DNAH11: variants seen among roughly 807,000 people sequenced by gnomAD.
The protein encoded by DNAH11 is dynein axonemal heavy chain 11.
In DNAH11, 442 loss-of-function variants were observed where a neutral mutation model predicts 526.0. The ratio of observed to expected loss-of-function variants is 0.84; its 90% CI spans 0.78 to 0.91. DNAH11 has a LOEUF of 0.91. Ranked by LOEUF, DNAH11 falls within the 40% of genes least tolerant of loss-of-function variation. The probability of loss-of-function intolerance (pLI) is 0.00; values close to 1 mark genes in which losing one functional copy is unlikely to be tolerated. For synonymous variants in DNAH11, 2,461 were observed against 1,935.9 expected (o/e 1.27, Z -7.12); for missense variants, 6,989 against 5,448.7 (o/e 1.28, Z -8.90).
intron 65 of DNAH11, among the ~76,000 whole-genome samples, chr7:21,822,069 C>T (rs994688957): frequency 3.3e-5 from 5 of 152,114 alleles, no homozygotes; most frequent in African/African-American, 4.8e-5. Context: ...TAGTATTTCA[C>T]TGTGTATATA....
intron 7 of DNAH11, among the ~76,000 whole-genome samples, chr7:21,570,885 A>T (rs1481803487): frequency 2.5e-5 from 1 of 39,234 alleles, no homozygotes; most frequent in Non-Finnish European, 4.8e-5. Flanking sequence ...GCTTAGTTTA[A>T]AAAAAAAAAA....
intron 65 of DNAH11, among the ~76,000 whole-genome samples, chr7:21,836,215 A>G (rs988384998): frequency 6.6e-6 from 1 of 152,166 alleles, no homozygotes; most frequent in African/African-American, 2.4e-5. Context: ...TTATGAAAAT[A>G]CCAACGACAT....
chr7:21,763,254 A>C (rs569010404), intron 54 of DNAH11, among the ~76,000 whole-genome samples: 1 of 151,530 alleles, frequency 6.6e-6, no homozygotes, highest in East Asian at 1.9e-4. Context: ...AGGCAGGAGA[A>C]TCACTTGAAC....
chr7:21,899,267 A>C, intron 79 of DNAH11, 69 bp from the exon 80 acceptor site: 1 of 1,301,624 alleles, frequency 7.7e-7, no homozygotes, highest in Admixed American at 1.7e-5. Context: ...AACCGCCCAC[A>C]ACAGAACATA....
intron 63 of DNAH11, among the ~76,000 whole-genome samples, chr7:21,810,602 C>T (rs983462241): frequency 2.0e-5 from 3 of 151,974 alleles, no homozygotes; most frequent in South Asian, 2.1e-4. Context: ...TGGTAAGAGT[C>T]GCCACACAGC....
chr7:21,543,386 C>G lies in DNAH11; in HGVS notation c.141C>G (p.Ala47=). The change falls in exon 1 of 82, where the codon GCC becomes GCG. Residue 47 remains alanine (A), a synonymous_variant. Transcript: ENST00000409508. ...EEEENEEEAA[A]RRARSFAQDA... is the part of the protein sequence containing the mutation. Reference sequence around the variant, plus strand: ...AGGAGAACGAGGAGGAGGCGGCGGCCAGGAGAGCGCGGAGTTTCGCCCAAG... The same window carrying G: ...AGGAGAACGAGGAGGAGGCGGCGGCGAGGAGAGCGCGGAGTTTCGCCCAAG... 6.4e-7 allele frequency: 1 copy of G among 1,552,182 alleles called. No homozygotes were observed. Among genetic ancestry groups the G allele is most frequent in the Non-Finnish European group, 8.7e-7 (1 of 1,147,178 alleles).
intron 14 of DNAH11, among the ~76,000 whole-genome samples, chr7:21,597,084 T>A (rs889092949): frequency 1.3e-5 from 2 of 151,926 alleles, no homozygotes; most frequent in African/African-American, 4.8e-5. Flanking sequence ...TGGTCTGGAG[T>A]CAGAGTTAAA....
At chr7:21,890,063 C>T (rs1784276670) in intron 76 of DNAH11, among the ~76,000 whole-genome samples, 1 of 152,312 alleles carries the variant, frequency 6.6e-6, no homozygotes, top group Admixed American at 6.5e-5. Context: ...CCAAAACTTA[C>T]ATAAGAGCCT....
chr7:21,884,341 C>T lies in DNAH11; in HGVS notation c.12438C>T (p.Gly4146=), dbSNP rs1382469255. The part of the protein sequence containing the change: ...RYLFGEIMYG[G]HITDDWDRKL... The stretch of plus-strand genomic sequence containing the variant: ...TCTTTGGTGAGATCATGTATGGAGG[C>T]CACATCACAGATGACTGGGATCGCA... The change falls in exon 76 of 82, where the codon GGC becomes GGT. Residue 4146 remains glycine, a synonymous_variant. Transcript: ENST00000409508. 6.2e-7 allele frequency: 1 copy of T among 1,613,100 alleles called. No homozygotes were observed. The highest frequency in any genetic ancestry group is 8.5e-7 in the Non-Finnish European group (1 of 1,179,468).
intron 54 of DNAH11, among the ~76,000 whole-genome samples, chr7:21,763,755 A>T (rs573645030): frequency 6.7e-6 from 1 of 149,054 alleles, no homozygotes; most frequent in South Asian, 2.2e-4. Flanking sequence ...AAGCAACTAA[A>T]ATGTCCATCA....
At chr7:21,734,071 G>T (rs78604762) in intron 45 of DNAH11, among the ~76,000 whole-genome samples, 8 of 152,144 alleles carry the variant, frequency 5.3e-5, no homozygotes, top group African/African-American at 1.4e-4. Context: ...TCCAGAGTCC[G>T]TGCTCTGAAG....
At chr7:21,650,032 T>G (rs1787555818) in intron 28 of DNAH11, among the ~76,000 whole-genome samples, 1 of 152,146 alleles carries the variant, frequency 6.6e-6, no homozygotes, top group Non-Finnish European at 1.5e-5. Flanking sequence ...TTTATTAAGT[T>G]GTACACACAT....
At chr7:21,899,951 C>T in intron 80 of DNAH11, 29 bp from the exon 81 acceptor site, 1 of 1,611,804 alleles carries the variant, frequency 6.2e-7, no homozygotes, top group East Asian at 2.2e-5. Flanking sequence ...ACACTTTTAT[C>T]CTATTCAATT....
chr7:21,618,946 A>G (rs966956748), intron 23 of DNAH11, among the ~76,000 whole-genome samples, 154 bp from the exon 24 acceptor site: 1 of 152,172 alleles, frequency 6.6e-6, no homozygotes, highest in African/African-American at 2.4e-5. Context: ...GTTAAAAAGG[A>G]GTGTCTTAGA....
chr7:21,777,223 C>T (rs927439600), intron 56 of DNAH11, among the ~76,000 whole-genome samples: 13 of 152,080 alleles, frequency 8.5e-5, no homozygotes, highest in African/African-American at 2.4e-4. Context: ...AGCATAATTC[C>T]CCTGAGATCC....
At chr7:21,630,579 G>T (rs1274616511) in intron 25 of DNAH11, among the ~76,000 whole-genome samples, 1 of 152,154 alleles carries the variant, frequency 6.6e-6, no homozygotes, top group Admixed American at 6.5e-5. Context: ...GTATAAGTTT[G>T]CTGGACACAG....
At chr7:21,809,556 T>G (rs559290970) in intron 63 of DNAH11, among the ~76,000 whole-genome samples, 265 of 152,184 alleles carry the variant, frequency 1.7e-3, no homozygotes, top group Non-Finnish European at 2.9e-3. Context: ...TTGTTTTTTG[T>G]TTGTTTGTTA....
chr7:21,643,493 C>T (rs536274789), intron 28 of DNAH11, among the ~76,000 whole-genome samples: 15 of 152,168 alleles, frequency 9.9e-5, no homozygotes, highest in Non-Finnish European at 1.8e-4. Context: ...TCACTGTCAA[C>T]GTGATTGGCT....
intron 51 of DNAH11, among the ~76,000 whole-genome samples, chr7:21,745,674 G>C (rs140653862): frequency 4.6e-5 from 7 of 152,144 alleles, no homozygotes; most frequent in African/African-American, 1.2e-4. Context: ...TGTTAGCGAC[G>C]AAAATGGACA....
Sources: gnomAD v4.1 joint callset for allele counts (sites outside exome capture counted in the v4.1 genomes callset) on GRCh38, gnomAD v4.1.1 for gene constraint, MANE v1.5 for transcripts, NCBI Gene and HGNC (gene_info 2026-07-23, HGNC 2026-07-21) for gene names.